Variants in ARID2 observed in about 807,000 individuals in gnomAD.
ARID2 encodes AT-rich interactive domain-containing protein 2.
In ARID2, 32 loss-of-function variants were observed where a neutral mutation model predicts 184.6. That is an observed-to-expected ratio of 0.17 (90% CI 0.13 to 0.23). The LOEUF is 0.23. ARID2 is among the 10% of genes least tolerant of loss of function. The pLI is 1.00. For synonymous variants in ARID2, 836 were observed against 772.6 expected, an observed-to-expected ratio of 1.08 and a Z score of -1.36; for missense variants, 1,696 against 2,197.6, an observed-to-expected ratio of 0.77 and a Z score of 4.56.
chr12:45,735,230 A>T (rs1172605805), intron 3 of ARID2, among the ~76,000 whole-genome samples: 1 of 152,136 alleles, frequency 6.6e-6, no homozygotes, highest in African/African-American at 2.4e-5. Flanking sequence ...TCCACCATAT[A>T]GATCAATTCT....
intron 16 of ARID2, among the ~76,000 whole-genome samples, chr12:45,861,500 T>C (rs1943746378): frequency 6.6e-6 from 1 of 151,752 alleles, no homozygotes; most frequent in Admixed American, 6.6e-5. Flanking sequence ...AAAATAAAAA[T>C]CTTAATTCCT....
chr12:45,807,580 A>T (rs933767038), intron 3 of ARID2, among the ~76,000 whole-genome samples: 2 of 152,144 alleles, frequency 1.3e-5, no homozygotes, highest in African/African-American at 4.8e-5. Flanking sequence ...AGTTTTGCCT[A>T]TGGGTTTGGA....
At chr12:45,897,815 T>C (rs1323454843) in intron 20 of ARID2, among the ~76,000 whole-genome samples, 1 of 152,142 alleles carries the variant, frequency 6.6e-6, no homozygotes, top group Non-Finnish European at 1.5e-5. Context: ...AGTTCACGCT[T>C]TTTAGTGTAC....
At position 45,821,018 on chromosome 12, in the gene ARID2, T is replaced by C. The variant is rs7316415; in HGVS notation, c.638-402T>C. Among the ~76,000 whole-genome samples the C allele has an allele frequency of 7.7e-3, 1,169 of 152,324 alleles. 19 individuals are homozygous for C. The highest frequency in any genetic ancestry group is 0.026 in the African/African-American group (1,096 of 41,578). On this transcript the variant is annotated intron_variant, in intron 5 of 20. Coordinates refer to ENST00000334344, the MANE Select transcript of ARID2 (RefSeq NM_152641.4). ...CTTGCTCTCTATGTTTTTTGAAGTG[T>C]GAATTATGCAAGTATTTCTGAAATT...
intron 13 of ARID2, 38 bp from the exon 14 acceptor site, chr12:45,849,542 A>G: frequency 2.0e-6 from 3 of 1,515,658 alleles, no homozygotes; most frequent in Non-Finnish European, 2.7e-6. Flanking sequence ...TCAATGTGAT[A>G]GTTATCAAAA....
chr12:45,870,980 A>G (rs764091375), intron 16 of ARID2, among the ~76,000 whole-genome samples: 3 of 152,180 alleles, frequency 2.0e-5, no homozygotes, highest in Non-Finnish European at 4.4e-5. Flanking sequence ...AACACCTAGG[A>G]TTATAATTGC....
intron 20 of ARID2, 171 bp downstream of exon 20, chr12:45,893,892 A>T (rs951095450): frequency 4.1e-6 from 2 of 488,314 alleles, no homozygotes; most frequent in African/African-American, 4.0e-5. Flanking sequence ...AAAAGTCAAA[A>T]ATAAATAGAA....
chr12:45,800,115 G>A (rs1000457053), intron 3 of ARID2, among the ~76,000 whole-genome samples: 4 of 152,152 alleles, frequency 2.6e-5, no homozygotes, highest in African/African-American at 9.7e-5. Context: ...TTCCCAAAGT[G>A]ATGGGATTAC....
At chr12:45,732,071 G>C (rs568665904) in intron 3 of ARID2, among the ~76,000 whole-genome samples, 1 of 137,026 alleles carries the variant, frequency 7.3e-6, no homozygotes, top group Admixed American at 7.2e-5. Context: ...GTGATTTAGC[G>C]TTTTTTTTTT....
intron 3 of ARID2, among the ~76,000 whole-genome samples, chr12:45,771,965 G>A (rs914993903): frequency 2.6e-5 from 4 of 151,890 alleles, no homozygotes; most frequent in Non-Finnish European, 5.9e-5. Context: ...AACATTTATA[G>A]ATGTATAAAA....
intron 3 of ARID2, among the ~76,000 whole-genome samples, chr12:45,752,585 A>C (rs1405273144): frequency 6.6e-6 from 1 of 152,048 alleles, no homozygotes; most frequent in African/African-American, 2.4e-5. Context: ...GTAATGGTAT[A>C]ATCATAGCTC....
chr12:45,878,552 TAC>T (rs1338356888), intron 16 of ARID2, among the ~76,000 whole-genome samples: 1 of 152,208 alleles, frequency 6.6e-6, no homozygotes, highest in African/African-American at 2.4e-5. Flanking sequence ...TTATTTCTGT[TAC>T]AGTTTTTTTC....
chr12:45,798,023 T>C (rs1209699931), intron 3 of ARID2, among the ~76,000 whole-genome samples: 1 of 152,154 alleles, frequency 6.6e-6, no homozygotes, highest in Admixed American at 6.5e-5. Context: ...ATATGGTTCA[T>C]TTGCAAGCAT....
At chr12:45,738,082 GT>G (rs570444196) in intron 3 of ARID2, among the ~76,000 whole-genome samples, 4 of 150,798 alleles carry the variant, frequency 2.7e-5, no homozygotes, top group African/African-American at 7.3e-5. Context: ...TATATGTATG[GT>G]TTTTTTTTCT....
intron 3 of ARID2, among the ~76,000 whole-genome samples, chr12:45,768,686 G>T (rs1476221772): frequency 6.6e-6 from 1 of 152,162 alleles, no homozygotes; most frequent in Non-Finnish European, 1.5e-5. Context: ...GGGCTAGTTT[G>T]CTGGAGAGAA....
Position 45,850,195 on chromosome 12 carries a change from A to C in ARID2, c.2072A>C (p.His691Pro). 1 of 1,614,118 alleles carries C rather than the reference A, an allele frequency of 6.2e-7. No individual in the cohort carries two copies. The highest frequency in any genetic ancestry group is 8.5e-7 in the Non-Finnish European group (1 of 1,179,984). ...VSRIPQNPSP[H>P]THQQQNAPVT... ...AGAATTCCACAAAATCCTTCACCTC[A>C]TACCCACCAGCAACAAAATGCTCCA... The change falls in exon 15 of 21, where the codon CAT becomes CCT. Residue 691 changes from histidine to proline, a missense_variant. This residue lies in a region of ARID2 where 713 missense variants were observed against 824.4 expected (regional missense o/e 0.86). Coordinates refer to ENST00000334344, the MANE Select transcript of ARID2 (RefSeq NM_152641.4).
At chr12:45,787,720 T>C (rs912149406) in intron 3 of ARID2, among the ~76,000 whole-genome samples, 3 of 152,130 alleles carry the variant, frequency 2.0e-5, no homozygotes, top group African/African-American at 7.2e-5. Flanking sequence ...TGAATAGACA[T>C]AAAACTAGGC....
At chr12:45,894,560 A>G (rs1944343917) in intron 20 of ARID2, among the ~76,000 whole-genome samples, 1 of 152,218 alleles carries the variant, frequency 6.6e-6, no homozygotes, top group South Asian at 2.1e-4. Context: ...AGTGGTATCA[A>G]TTATAAAAAG....
chr12:45,900,922 C>T (rs1343448285), intron 20 of ARID2, among the ~76,000 whole-genome samples: 1 of 151,742 alleles, frequency 6.6e-6, no homozygotes, highest in East Asian at 1.9e-4. Flanking sequence ...CCTCTAGAAA[C>T]TGTTGTGATC....
Sources: gnomAD v4.1 joint callset for allele counts (sites outside exome capture counted in the v4.1 genomes callset) on GRCh38, gnomAD v4.1.1 for gene constraint, gnomAD v4.1.1 regional missense constraint, MANE v1.5 for transcripts, NCBI Gene and HGNC (gene_info 2026-07-23, HGNC 2026-07-21) for gene names.